Variants in PSD3 observed in about 807,000 individuals in gnomAD.
The protein encoded by PSD3 is PH and SEC7 domain-containing protein 3.
Under a neutral mutation model 105.5 loss-of-function variants are expected in PSD3, and 49 were observed. The ratio of observed to expected loss-of-function variants is 0.46; its 90% CI spans 0.37 to 0.59. The LOEUF is 0.59. Among genes scored for constraint, PSD3 ranks in the 20% least tolerant of loss-of-function variants. The pLI is 0.00. For synonymous variants in PSD3, 557 were observed against 457.8 expected (o/e 1.22, Z -2.77); for missense variants, 1,561 against 1,263.8 (o/e 1.24, Z -3.57).
At chr8:18,938,557 A>C (rs1238695732) in intron 1 of PSD3, among the ~76,000 whole-genome samples, 1 of 147,290 alleles carries the variant, frequency 6.8e-6, no homozygotes, top group Non-Finnish European at 1.5e-5. Context: ...TGGGACGTGG[A>C]GGTTGCAGTG....
chr8:18,641,220 T>C (rs887582398), intron 10 of PSD3, among the ~76,000 whole-genome samples: 7 of 152,120 alleles, frequency 4.6e-5, no homozygotes, highest in Admixed American at 1.3e-4. Context: ...TTCCTCACCT[T>C]ACAACCAGCC....
intron 4 of PSD3, among the ~76,000 whole-genome samples, chr8:18,838,115 T>C (rs909969857): frequency 7.9e-5 from 12 of 152,314 alleles, no homozygotes; most frequent in African/African-American, 2.4e-4. Context: ...CATTAATAAT[T>C]TGTGAAATCA....
intron 2 of PSD3, among the ~76,000 whole-genome samples, chr8:18,928,558 G>A (rs1377423097): frequency 6.6e-6 from 1 of 152,094 alleles, no homozygotes; most frequent in Non-Finnish European, 1.5e-5. Context: ...AGCAAAACTA[G>A]TCATAACAAT....
chr8:18,558,883 C>G (rs1177734252), intron 14 of PSD3, among the ~76,000 whole-genome samples: 1 of 152,106 alleles, frequency 6.6e-6, no homozygotes, highest in Non-Finnish European at 1.5e-5. Context: ...GATATAAAAA[C>G]TAATTAAAGG....
At chr8:18,667,212 T>G (rs111821551) in intron 9 of PSD3, among the ~76,000 whole-genome samples, 6,577 of 152,204 alleles carry the variant, frequency 0.043, 419 homozygotes, top group African/African-American at 0.14. Flanking sequence ...AGAGAGCCGA[T>G]TACTCTGTTT....
intron 1 of PSD3, among the ~76,000 whole-genome samples, chr8:18,964,921 T>C (rs549350553): frequency 5.7e-4 from 87 of 152,356 alleles, no homozygotes; most frequent in African/African-American, 1.9e-3. Context: ...AAATGTTATT[T>C]GTTTAAATCC....
At chr8:18,672,354 A>G (rs1466299520) in intron 9 of PSD3, among the ~76,000 whole-genome samples, 1 of 152,144 alleles carries the variant, frequency 6.6e-6, no homozygotes, top group Non-Finnish European at 1.5e-5. Context: ...TGTAAAAAAA[A>G]CAATCCCTGG....
At chr8:18,815,926 A>C (rs1812183158) in intron 4 of PSD3, among the ~76,000 whole-genome samples, 1 of 152,168 alleles carries the variant, frequency 6.6e-6, no homozygotes, top group Admixed American at 6.5e-5. Context: ...GGATTCACTT[A>C]ATTTTGTGTG....
intron 9 of PSD3, among the ~76,000 whole-genome samples, chr8:18,681,669 T>C (rs1800398294): frequency 1.3e-5 from 2 of 152,140 alleles, no homozygotes; most frequent in African/African-American, 4.8e-5. Context: ...AAGCCTGTCA[T>C]ATTATTCAGT....
At chr8:18,802,874 A>G (rs1810825594) in intron 6 of PSD3, among the ~76,000 whole-genome samples, 1 of 152,234 alleles carries the variant, frequency 6.6e-6, no homozygotes, top group African/African-American at 2.4e-5. Flanking sequence ...AGACACCTTC[A>G]TTTGAAAAGG....
intron 9 of PSD3, chr8:18,762,923 G>A (rs912669473): frequency 5.5e-5 from 71 of 1,279,740 alleles, no homozygotes; most frequent in Non-Finnish European, 6.8e-5. Flanking sequence ...TGGAATAACT[G>A]TTTATTTTAT....
chr8:18,906,758 TAC>T (rs1424097493), intron 2 of PSD3, among the ~76,000 whole-genome samples: 1 of 152,086 alleles, frequency 6.6e-6, no homozygotes, highest in East Asian at 1.9e-4. Context: ...TAAAAACAAA[TAC>T]AGTCATGCAC....
At chr8:19,025,472 C>T (rs955320502) in intron 1 of PSD3, among the ~76,000 whole-genome samples, 7 of 152,150 alleles carry the variant, frequency 4.6e-5, no homozygotes, top group Non-Finnish European at 1.0e-4. Flanking sequence ...TTTTCTGACT[C>T]GTCCTTGAGT....
chr8:19,082,846 T>G (rs1221431003), intron 1 of PSD3, among the ~76,000 whole-genome samples: 1 of 152,122 alleles, frequency 6.6e-6, no homozygotes, highest in East Asian at 1.9e-4. Context: ...GATGCAAGAA[T>G]TAGGATGGAA....
chr8:18,594,314 TATATATAATATATATTATAATATATA>T (rs1432337315), intron 12 of PSD3, among the ~76,000 whole-genome samples: 32 of 2,670 alleles, frequency 0.012, 5 homozygotes, highest in Admixed American at 0.047. Context: ...TATATATTAT[TATATATAATATATATTATAATATATA>T]ATATATATTC....
chr8:18,571,339 C>A (rs892060125), intron 14 of PSD3, among the ~76,000 whole-genome samples: 6 of 148,962 alleles, frequency 4.0e-5, no homozygotes, highest in African/African-American at 1.5e-4. Context: ...CTGCATCCAG[C>A]GCTCTCTTCT....
chr8:18,572,317 T>C (rs575735797), intron 14 of PSD3, among the ~76,000 whole-genome samples: 2 of 152,270 alleles, frequency 1.3e-5, no homozygotes, highest in East Asian at 1.9e-4. Context: ...AAAGTACGTG[T>C]CCTACTAACT....
At chr8:18,959,616 C>T (rs2129471044) in intron 1 of PSD3, among the ~76,000 whole-genome samples, 1 of 152,228 alleles carries the variant, frequency 6.6e-6, no homozygotes, top group South Asian at 2.1e-4. Context: ...CCTTTCTGCC[C>T]ACACTCACAT....
At chr8:18,623,554 T>C (rs1480808981) in intron 11 of PSD3, among the ~76,000 whole-genome samples, 4 of 145,632 alleles carry the variant, frequency 2.7e-5, no homozygotes, top group Admixed American at 6.9e-5. Context: ...GTGGGAAGAC[T>C]ACCTGAGCCC....
Sources: gnomAD v4.1 joint callset for allele counts (sites outside exome capture counted in the v4.1 genomes callset) on GRCh38, gnomAD v4.1.1 for gene constraint, MANE v1.5 for transcripts, NCBI Gene and HGNC (gene_info 2026-07-23, HGNC 2026-07-21) for gene names.